SEMA5A: variants seen among roughly 807,000 people sequenced by gnomAD.
SEMA5A encodes semaphorin-5A.
A neutral mutation model predicts 135.5 loss-of-function variants in SEMA5A; 55 were observed. That is an observed-to-expected ratio of 0.41 (90% confidence interval 0.33 to 0.51). The LOEUF is 0.51. Ranked by LOEUF, SEMA5A falls within the 20% of genes least tolerant of loss-of-function variation. The pLI is 0.37. For synonymous variants in SEMA5A, 580 were observed against 546.5 expected (o/e 1.06, Z -0.85); for missense variants, 1,290 against 1,419.9 (o/e 0.91, Z 1.47).
chr5:9,224,738 A>G lies in SEMA5A; in HGVS notation c.582T>C (p.Ile194=). ...GAGGTAAAATGCCTAGGCTTCGGTA[A>G]ATGGCAGGATCACGTCCTGGAAAAT... ...AMDFPGRDPA[I]YRSLGILPPL... is the part of the protein sequence containing the mutation. Residue 194 remains isoleucine, a synonymous_variant, in exon 8 of 23, where the codon ATT becomes ATC. Coordinates refer to ENST00000382496, the MANE Select transcript of SEMA5A (RefSeq NM_003966.3). The G allele has an allele frequency of 6.2e-7, 1 of 1,614,134 alleles. No individual in the cohort carries two copies. The highest frequency in any genetic ancestry group is 8.5e-7 in the Non-Finnish European group (1 of 1,180,034).
At chr5:9,152,950 T>G (rs1560966648) in intron 12 of SEMA5A, among the ~76,000 whole-genome samples, 1 of 152,006 alleles carries the variant, frequency 6.6e-6, no homozygotes, top group African/African-American at 2.4e-5. Context: ...CACATGTAAT[T>G]TCAGCTACTC....
chr5:9,044,555 C>A lies in SEMA5A; in HGVS notation c.2923G>T (p.Gly975Trp), dbSNP rs1249404085. 1.9e-6 allele frequency: 3 copies of A among 1,613,816 alleles called. No homozygotes were observed. Among genetic ancestry groups the A allele is most frequent in the Admixed American group, 1.7e-5 (1 of 59,982 alleles). Residue 975 changes from glycine to tryptophan, a missense_variant, in exon 22 of 23, where the codon GGG becomes TGG. Physicochemically the swap from Gly to Trp is radical, Grantham distance 184. This residue lies in a region of SEMA5A where 1,029 missense variants were observed against 1,086.6 expected (regional missense o/e 0.95). Transcript: ENST00000382496. ...CAGCCGAGGATGGAGCTGCTCAGCCCCACGGCGATCATGTGGAACATGTTG... is the reference window on the plus strand; with the variant it reads ...CAGCCGAGGATGGAGCTGCTCAGCCACACGGCGATCATGTGGAACATGTTG... ...EFNMFHMIAV[G>W]LSSSILGCLL...
chr5:9,353,344 A>AAAGGG (rs1754286806), intron 3 of SEMA5A, among the ~76,000 whole-genome samples: 6 of 100,864 alleles, frequency 5.9e-5, no homozygotes, highest in Non-Finnish European at 1.1e-4. Context: ...AAATGAAAGG[A>AAAGGG]AAGGAAAGGG....
chr5:9,171,455 T>C (rs1743915787), intron 11 of SEMA5A, among the ~76,000 whole-genome samples: 1 of 152,114 alleles, frequency 6.6e-6, no homozygotes, highest in Admixed American at 6.6e-5. Context: ...AAAAATTGTT[T>C]TAAATTGGGA....
intron 2 of SEMA5A, among the ~76,000 whole-genome samples, chr5:9,414,625 T>A (rs1757222324): frequency 6.6e-6 from 1 of 152,092 alleles, no homozygotes; most frequent in Admixed American, 6.5e-5. Flanking sequence ...AACAAGAAAC[T>A]CACCCAAAAC....
chr5:9,456,159 A>G (rs933754920), intron 1 of SEMA5A, among the ~76,000 whole-genome samples: 6 of 152,246 alleles, frequency 3.9e-5, no homozygotes, highest in Non-Finnish European at 8.8e-5. Context: ...TTCCCTGAAG[A>G]ATTTCCACTC....
intron 15 of SEMA5A, among the ~76,000 whole-genome samples, chr5:9,115,964 A>T (rs1449966882): frequency 6.6e-6 from 1 of 152,214 alleles, no homozygotes; most frequent in Non-Finnish European, 1.5e-5. Flanking sequence ...AAGGCAAGTG[A>T]CAACACCAGG....
chr5:9,479,421 C>A (rs1759789435), intron 1 of SEMA5A, among the ~76,000 whole-genome samples: 1 of 151,762 alleles, frequency 6.6e-6, no homozygotes, highest in South Asian at 2.1e-4. Context: ...AAAAGCAGAA[C>A]CTTTCTACAA....
chr5:9,203,922 C>A (rs1227280880), intron 8 of SEMA5A, among the ~76,000 whole-genome samples: 1 of 150,986 alleles, frequency 6.6e-6, no homozygotes, highest in Non-Finnish European at 1.5e-5. Flanking sequence ...ACAAAAACAG[C>A]AGATTACATA....
At chr5:9,077,442 G>A (rs1394664) in intron 16 of SEMA5A, among the ~76,000 whole-genome samples, 133,993 of 152,230 alleles carry the variant, frequency 0.88, 59,078 homozygotes, top group East Asian at 0.96. Context: ...ACAATAAAAT[G>A]CAATAGAAAC....
intron 2 of SEMA5A, among the ~76,000 whole-genome samples, chr5:9,423,159 C>T (rs773854640): frequency 6.6e-5 from 10 of 152,186 alleles, no homozygotes; most frequent in African/African-American, 1.7e-4. Flanking sequence ...CCACTGTGGA[C>T]GCAGAAGGCT....
At chr5:9,062,474 A>G (rs888706275) in intron 18 of SEMA5A, among the ~76,000 whole-genome samples, 6 of 151,992 alleles carry the variant, frequency 3.9e-5, no homozygotes, top group African/African-American at 4.8e-5. Flanking sequence ...TTGTTTGTTT[A>G]TTTACTTTTG....
At chr5:9,207,948 T>C (rs1347862075) in intron 8 of SEMA5A, among the ~76,000 whole-genome samples, 1 of 152,116 alleles carries the variant, frequency 6.6e-6, no homozygotes, top group Non-Finnish European at 1.5e-5. Flanking sequence ...ATGCGCACAT[T>C]TGTGTCTGTG....
intron 2 of SEMA5A, among the ~76,000 whole-genome samples, chr5:9,415,780 T>C (rs1177794347): frequency 6.6e-6 from 1 of 152,244 alleles, no homozygotes; most frequent in Non-Finnish European, 1.5e-5. Flanking sequence ...CACTGGTTTA[T>C]GGCCTCACTC....
At chr5:9,227,487 G>A (rs755341014) in intron 6 of SEMA5A, among the ~76,000 whole-genome samples, 2 of 151,996 alleles carry the variant, frequency 1.3e-5, no homozygotes, top group Non-Finnish European at 2.9e-5. Context: ...TACACAAACT[G>A]GAGCAAATTT....
In SEMA5A at chr5:9,119,000, T is replaced by C. The variant is rs754846832; in HGVS notation, c.1923A>G (p.Glu641=). 6.8e-6 allele frequency: 11 copies of C among 1,612,872 alleles called. No homozygotes were observed. The Admixed American group carries it at 1.7e-4, about 24-fold the overall frequency. The change falls in exon 15 of 23, where the codon GAA becomes GAG. Residue 641 remains glutamate (E), a splice_region_variant and synonymous_variant. Coordinates refer to ENST00000382496, the MANE Select transcript of SEMA5A (RefSeq NM_003966.3). ...CTGGCAGCAGGGTGGGCACGTACCT[T>C]TCCTCGCGGTTCTGTCCCACGCACA... ...GRVCVGQNRE[E]RYCNEHLLCP...
At chr5:9,110,230 A>C (rs1203129380) in intron 15 of SEMA5A, among the ~76,000 whole-genome samples, 1 of 152,244 alleles carries the variant, frequency 6.6e-6, no homozygotes, top group Non-Finnish European at 1.5e-5. Context: ...AAACTTCCAC[A>C]GAGCTCCAGA....
chr5:9,068,116 C>T (rs1161861581), intron 16 of SEMA5A, among the ~76,000 whole-genome samples: 1 of 152,148 alleles, frequency 6.6e-6, no homozygotes, highest in African/African-American at 2.4e-5. Context: ...TCTATAGCTT[C>T]TGTATCTTCT....
chr5:9,386,466 TC>T (rs1038885074), intron 2 of SEMA5A, among the ~76,000 whole-genome samples: 55 of 152,294 alleles, frequency 3.6e-4, no homozygotes, highest in African/African-American at 1.2e-3. Flanking sequence ...TTCCCTGTGG[TC>T]CCTCTCACCT....
Sources: allele counts gnomAD v4.1 joint callset (sites outside exome capture counted in the v4.1 genomes callset), GRCh38; gene constraint gnomAD v4.1.1; regional missense constraint gnomAD v4.1.1; transcripts MANE v1.5; gene names NCBI Gene and HGNC (gene_info 2026-07-23, HGNC 2026-07-21).